The following RAMP1 variants were observed in gnomAD, a reference collection of about 807,000 sequenced individuals.
The protein encoded by RAMP1 is receptor activity modifying protein 1, also known as receptor activity-modifying protein 1.
Under a neutral mutation model 8.2 loss-of-function variants are expected in RAMP1, and 7 were observed. That is an observed-to-expected ratio of 0.85 (90% CI 0.49 to 1.60). RAMP1 has a LOEUF of 1.60. Ranked by LOEUF, RAMP1 falls within the 40% of genes most tolerant of loss-of-function variation. The pLI is 0.00. For missense variants in RAMP1, 192 were observed against 202.4 expected (o/e 0.95, Z 0.31); for synonymous variants, 92 against 84.7 (o/e 1.09, Z -0.47).
At chr2:237,900,162 A>ATTTG (rs770840233) in intron 2 of RAMP1, among the ~76,000 whole-genome samples, 1 of 150,992 alleles carries the variant, frequency 6.6e-6, no homozygotes, top group South Asian at 2.1e-4. Context: ...TTTTTTGTTT[A>ATTTG]TTTGTTTGTT....
chr2:237,897,365 A>G, intron 2 of RAMP1, among the ~76,000 whole-genome samples: 1 of 152,094 alleles, frequency 6.6e-6, no homozygotes, highest in East Asian at 1.9e-4. Context: ...AGGGCTGGCC[A>G]TTTTCTCCGG....
At chr2:237,879,406 G>A (rs1170503161) in intron 2 of RAMP1, among the ~76,000 whole-genome samples, 1 of 151,936 alleles carries the variant, frequency 6.6e-6, no homozygotes, top group African/African-American at 2.4e-5. Context: ...GCTGAGGCCA[G>A]AGAGAGTTCG....
chr2:237,901,606 A>G (rs1462510472), intron 2 of RAMP1, among the ~76,000 whole-genome samples: 2 of 152,066 alleles, frequency 1.3e-5, no homozygotes, highest in East Asian at 3.9e-4. Context: ...GAGGGAGGGG[A>G]CCCAGTTGAG....
chr2:237,881,527 G>T (rs2062367484), intron 2 of RAMP1, among the ~76,000 whole-genome samples: 1 of 152,252 alleles, frequency 6.6e-6, no homozygotes, highest in Admixed American at 6.5e-5. Context: ...ATGCCAGTTT[G>T]CATTCCCACC....
At chr2:237,869,645 CTG>C (rs2062225438) in intron 1 of RAMP1, among the ~76,000 whole-genome samples, 1 of 152,234 alleles carries the variant, frequency 6.6e-6, no homozygotes, top group Non-Finnish European at 1.5e-5. Context: ...ATAGACCACA[CTG>C]TGTTTATCCA....
intron 1 of RAMP1, among the ~76,000 whole-genome samples, chr2:237,869,373 C>T (rs993054560): frequency 8.5e-5 from 13 of 152,192 alleles, no homozygotes; most frequent in Non-Finnish European, 1.6e-4. Context: ...CAACCATCGC[C>T]ACTATCCATC....
At chr2:237,859,208 G>C (rs759349178), upstream of RAMP1, 7 of 152,354 alleles carry the variant, frequency 4.6e-5, no homozygotes, top group Non-Finnish European at 1.0e-4. Flanking sequence ...CCCAGCGCCT[G>C]CACCTGGGCG....
intron 2 of RAMP1, among the ~76,000 whole-genome samples, chr2:237,891,916 C>T (rs1227565132): frequency 1.3e-5 from 2 of 152,122 alleles, no homozygotes; most frequent in East Asian, 3.8e-4. Context: ...TGTAATTATG[C>T]TGCCACCACC....
intron 2 of RAMP1, among the ~76,000 whole-genome samples, chr2:237,908,687 C>T (rs997286411): frequency 7.2e-5 from 11 of 152,276 alleles, no homozygotes; most frequent in East Asian, 1.9e-4. Context: ...CCACCCGCCT[C>T]AGCCTCCCAA....
intron 1 of RAMP1, 164 bp downstream of exon 1, chr2:237,859,891 C>G (rs866002547): frequency 3.5e-5 from 22 of 634,946 alleles, no homozygotes; most frequent in African/African-American, 2.3e-4. Context: ...CGGTTCCAGG[C>G]GGGAGGCCCC....
chr2:237,874,664 G>A (rs75744524), intron 1 of RAMP1: 18 of 985,268 alleles, frequency 1.8e-5, no homozygotes, highest in East Asian at 1.1e-4. Flanking sequence ...CCTGAGGCAC[G>A]CTTGCTTCAC....
chr2:237,859,906 C>T (rs2150999738), intron 1 of RAMP1, 179 bp downstream of exon 1: 1 of 553,828 alleles, frequency 1.8e-6, no homozygotes, highest in Non-Finnish European at 2.9e-6. Context: ...GGCCCCAGGG[C>T]ACAGGGGAGG....
chr2:237,876,641 CCCG>C lies in RAMP1; in HGVS notation c.53-580_53-578del, dbSNP rs2151008411. On this transcript the variant is annotated intron_variant, in intron 1 of 2. Coordinates refer to ENST00000254661, the MANE Select transcript of RAMP1 (RefSeq NM_005855.4). ...GTGGGGGACCAAGGGCCATGCTCTC[CCCG>C]CCACCCCCGCCCCCACCCAGCCAGC... Among the ~76,000 whole-genome samples the C allele has an allele frequency of 4.6e-5, 7 of 151,118 alleles. 1 individual carries two copies. Among genetic ancestry groups the C allele is most frequent in the African/African-American group, 1.7e-4 (7 of 40,566 alleles).
At chr2:237,890,206 T>TA (rs1322155510) in intron 2 of RAMP1, among the ~76,000 whole-genome samples, 3 of 147,842 alleles carry the variant, frequency 2.0e-5, no homozygotes, top group African/African-American at 7.4e-5. Flanking sequence ...GGGAAATAAT[T>TA]TTTTTTTTTT....
chr2:237,883,912 CTTTTTTT>C (rs34291315), intron 2 of RAMP1, among the ~76,000 whole-genome samples: 1 of 93,008 alleles, frequency 1.1e-5, no homozygotes, highest in Non-Finnish European at 1.9e-5. Flanking sequence ...TGTAGGTCCA[CTTTTTTT>C]TTTTTTTTTT....
chr2:237,891,386 G>A (rs1485397117), intron 2 of RAMP1, among the ~76,000 whole-genome samples: 3 of 152,118 alleles, frequency 2.0e-5, no homozygotes, highest in Admixed American at 6.6e-5. Flanking sequence ...TCCTGACCTC[G>A]TGATCCGCCT....
chr2:237,902,540 C>G (rs553585424), intron 2 of RAMP1, among the ~76,000 whole-genome samples: 137 of 152,232 alleles, frequency 9.0e-4, no homozygotes, highest in African/African-American at 3.1e-3. Context: ...CCCCACTCAC[C>G]CTTCCACAGA....
rs543850859 is a variant in RAMP1 at position 237,864,163 on chromosome 2, G to C, written c.52+4436G>C. Among the ~76,000 whole-genome samples, 531 of 127,170 alleles carry C rather than the reference G, an allele frequency of 4.2e-3. 1 individual carries two copies. Among genetic ancestry groups the C allele is most frequent in the African/African-American group, 0.011 (291 of 26,022 alleles). 83.4% of individuals were successfully genotyped at this position (127,170 alleles called of 152,430 possible). ...CAGAGTGACCTGGCCCGTGGCCTGGGCCAGCTCACTCCAGGGGGTGGGGTA... is the reference window on the plus strand; with the variant it reads ...CAGAGTGACCTGGCCCGTGGCCTGGCCCAGCTCACTCCAGGGGGTGGGGTA... On this transcript the variant is annotated intron_variant, in intron 1 of 2. Coordinates refer to ENST00000254661, the MANE Select transcript of RAMP1 (RefSeq NM_005855.4).
At chr2:237,866,131 A>G (rs2062184856) in intron 1 of RAMP1, among the ~76,000 whole-genome samples, 1 of 152,150 alleles carries the variant, frequency 6.6e-6, no homozygotes, top group Admixed American at 6.5e-5. Flanking sequence ...GAGAAACAGC[A>G]GTCTGTTCCT....
Sources: allele counts gnomAD v4.1 joint callset (sites outside exome capture counted in the v4.1 genomes callset), GRCh38; gene constraint gnomAD v4.1.1; transcripts MANE v1.5; gene names NCBI Gene and HGNC (gene_info 2026-07-23, HGNC 2026-07-21).